RNF152: variants seen among roughly 807,000 people sequenced by gnomAD.
The protein encoded by RNF152 is E3 ubiquitin-protein ligase RNF152.
In RNF152, 11 loss-of-function variants were observed where a neutral mutation model predicts 12.7. The observed-to-expected ratio is 0.86, with a 90% CI of 0.54 to 1.43. RNF152 has a LOEUF of 1.43. RNF152 is among the 40% of genes most tolerant of loss of function. The pLI is 0.00. For missense variants in RNF152, 255 were observed against 274.8 expected, an observed-to-expected ratio of 0.93 and a Z score of 0.51; for synonymous variants, 113 against 120.3, an observed-to-expected ratio of 0.94 and a Z score of 0.40.
At chr18:61,889,702 TTACCCTAAA>T (rs1912865833) in intron 1 of RNF152, among the ~76,000 whole-genome samples, 3 of 152,194 alleles carry the variant, frequency 2.0e-5, no homozygotes, top group Admixed American at 1.3e-4. Flanking sequence ...TGACCCAAGG[TTACCCTAAA>T]CACATTCCTG....
At chr18:61,862,650 G>A (rs1329267491) in intron 1 of RNF152, among the ~76,000 whole-genome samples, 3 of 152,168 alleles carry the variant, frequency 2.0e-5, no homozygotes, top group African/African-American at 7.2e-5. Context: ...TCCACACCCT[G>A]TCCCCCACCC....
At chr18:61,849,659 C>G (rs1177700526) in intron 1 of RNF152, among the ~76,000 whole-genome samples, 1 of 152,144 alleles carries the variant, frequency 6.6e-6, no homozygotes, top group Non-Finnish European at 1.5e-5. Flanking sequence ...TCTCCTCTAC[C>G]AATTAGTTTG....
In RNF152 at chr18:61,812,787, T is replaced by C. The variant is rs1908867471; in HGVS notation, c.*3065A>G. ...AGTTGTCTTTCAACATCTATACTCA[T>C]CCCTAAGTCAACCCTCCTTTCATTT... On this transcript the variant is annotated 3_prime_UTR_variant, in exon 2 of 2. Coordinates refer to ENST00000312828, the MANE Select transcript of RNF152 (RefSeq NM_173557.3). 1 of 152,152 alleles carries C rather than the reference T, an allele frequency of 6.6e-6. No homozygotes were observed. Among genetic ancestry groups the C allele is most frequent in the African/African-American group, 2.4e-5 (1 of 41,434 alleles). The allele number at this position is 152,152 out of a possible 1,614,324, so 9.4% of individuals were successfully genotyped here.
chr18:61,853,275 G>A (rs904613399), intron 1 of RNF152, among the ~76,000 whole-genome samples: 22 of 151,680 alleles, frequency 1.5e-4, no homozygotes, highest in African/African-American at 3.9e-4. Flanking sequence ...GGGCTCTAAC[G>A]GGAGAATCTG....
intron 1 of RNF152, among the ~76,000 whole-genome samples, chr18:61,836,225 C>A (rs1483337944): frequency 1.3e-5 from 2 of 152,018 alleles, no homozygotes; most frequent in African/African-American, 4.8e-5. Flanking sequence ...TCCTTTTGTG[C>A]CATCACGTGG....
At chr18:61,880,225 C>T (rs1912400057) in intron 1 of RNF152, among the ~76,000 whole-genome samples, 2 of 152,162 alleles carry the variant, frequency 1.3e-5, no homozygotes, top group South Asian at 4.1e-4. Context: ...ACAACCCATT[C>T]TCTAAGTCAA....
chr18:61,816,201 G>A lies in RNF152; in HGVS notation c.263C>T (p.Thr88Ile), dbSNP rs771973482. The A allele has an allele frequency of 9.9e-6, 16 of 1,614,134 alleles. No individual in the cohort carries two copies. In the Admixed American group the frequency reaches 2.0e-4, roughly 20 times the overall value. The change falls in exon 2 of 2, where the codon ACC (threonine) becomes ATC (isoleucine). Residue 88 changes from threonine (T) to isoleucine (I), a missense_variant. Transcript: ENST00000312828. ...GCTGGGAAGTTTGATGAAGACCGGG[G>A]TGTGTTCGGAAGTGTGTGGAATGGC... ...VIAIPHTSEH[T>I]PVFIKLPSNG...
At chr18:61,820,222 G>A (rs548730728) in intron 1 of RNF152, among the ~76,000 whole-genome samples, 8 of 147,954 alleles carry the variant, frequency 5.4e-5, no homozygotes, top group East Asian at 4.0e-4. Context: ...CCAGCTACTC[G>A]GGAGGCTGAG....
intron 1 of RNF152, among the ~76,000 whole-genome samples, chr18:61,819,416 AG>A (rs1187580594): frequency 6.6e-6 from 1 of 152,210 alleles, no homozygotes; most frequent in African/African-American, 2.4e-5. Flanking sequence ...AATTCATTCA[AG>A]GGTAGACTGG....
chr18:61,822,371 C>T (rs1909459590), intron 1 of RNF152, among the ~76,000 whole-genome samples: 1 of 151,896 alleles, frequency 6.6e-6, no homozygotes, highest in African/African-American at 2.4e-5. Flanking sequence ...ATTTTGAGGC[C>T]CTAGATATTT....
intron 1 of RNF152, among the ~76,000 whole-genome samples, chr18:61,890,791 G>T (rs890692108): frequency 1.3e-5 from 2 of 152,190 alleles, no homozygotes; most frequent in Non-Finnish European, 2.9e-5. Flanking sequence ...GAGGGAATTA[G>T]AAATGAAAAC....
chr18:61,817,258 T>C (rs1360093040), intron 1 of RNF152, among the ~76,000 whole-genome samples: 1 of 152,182 alleles, frequency 6.6e-6, no homozygotes. Context: ...AAAGCAGCAG[T>C]GAAGCTTAAG....
chr18:61,835,851 T>C (rs902644795), intron 1 of RNF152, among the ~76,000 whole-genome samples: 2 of 152,204 alleles, frequency 1.3e-5, no homozygotes, highest in African/African-American at 2.4e-5. Flanking sequence ...AACTAGTTTG[T>C]ATAGACCATA....
intron 1 of RNF152, among the ~76,000 whole-genome samples, chr18:61,860,479 A>G (rs1911420608): frequency 2.6e-5 from 4 of 152,260 alleles, no homozygotes; most frequent in Admixed American, 2.6e-4. Context: ...CCATCAGAGC[A>G]TTGTTGCACT....
chr18:61,864,157 A>C (rs1911625948), intron 1 of RNF152, among the ~76,000 whole-genome samples: 1 of 152,150 alleles, frequency 6.6e-6, no homozygotes, highest in Non-Finnish European at 1.5e-5. Flanking sequence ...TTTTGACCCT[A>C]ACTACCCGGA....
chr18:61,834,398 G>A (rs1411744689), intron 1 of RNF152, among the ~76,000 whole-genome samples: 3 of 152,158 alleles, frequency 2.0e-5, no homozygotes, highest in African/African-American at 7.2e-5. Flanking sequence ...GTTCTCCTAG[G>A]AACCTTTCTA....
intron 1 of RNF152, among the ~76,000 whole-genome samples, chr18:61,863,146 A>C (rs1341859216): frequency 6.6e-6 from 1 of 152,190 alleles, no homozygotes; most frequent in East Asian, 1.9e-4. Flanking sequence ...CTTGAAAAGT[A>C]GTCCCTTAGC....
chr18:61,890,337 C>T (rs940548260), intron 1 of RNF152: 1 of 152,216 alleles, frequency 6.6e-6, no homozygotes, highest in African/African-American at 2.4e-5. Context: ...GTCATATGCC[C>T]AGTTCTGGCC....
chr18:61,820,020 C>CAAAAAAAA (rs1165545204), intron 1 of RNF152, among the ~76,000 whole-genome samples: 2 of 64,384 alleles, frequency 3.1e-5, no homozygotes, highest in Non-Finnish European at 5.8e-5. Context: ...GACACTATCT[C>CAAAAAAAA]AAAAAAAAAA....
Sources: gnomAD v4.1 joint callset for allele counts (sites outside exome capture counted in the v4.1 genomes callset) on GRCh38, gnomAD v4.1.1 for gene constraint, MANE v1.5 for transcripts, NCBI Gene and HGNC (gene_info 2026-07-23, HGNC 2026-07-21) for gene names.